The following CCDC178 variants were observed in gnomAD, a reference collection of about 807,000 sequenced individuals.
CCDC178 encodes coiled-coil domain-containing protein 178.
In CCDC178, 126 loss-of-function variants were observed where a neutral mutation model predicts 117.4. The ratio of observed to expected loss-of-function variants is 1.07; its 90% CI spans 0.93 to 1.24. The LOEUF is 1.24. CCDC178 is among the 50% of genes most tolerant of loss of function. The pLI, the probability that CCDC178 is intolerant of heterozygous loss-of-function variation, is 0.00. For synonymous variants in CCDC178, 283 were observed against 313.4 expected (o/e 0.90, Z 1.02); for missense variants, 1,030 against 986.9 (o/e 1.04, Z -0.59).
intron 21 of CCDC178, among the ~76,000 whole-genome samples, chr18:33,079,507 G>A (rs766390944): frequency 2.0e-5 from 3 of 152,136 alleles, no homozygotes; most frequent in Admixed American, 6.6e-5. Flanking sequence ...CAATATGGGA[G>A]AAAATTTTTG....
intron 21 of CCDC178, among the ~76,000 whole-genome samples, chr18:33,081,876 A>G (rs2057303743): frequency 6.6e-6 from 1 of 152,214 alleles, no homozygotes; most frequent in Non-Finnish European, 1.5e-5. Context: ...ACAAGGTTGT[A>G]AAAAAGAACA....
intron 20 of CCDC178, among the ~76,000 whole-genome samples, chr18:33,117,122 A>T (rs1482878991): frequency 6.6e-6 from 1 of 152,104 alleles, no homozygotes; most frequent in East Asian, 1.9e-4. Context: ...GGGGAAGACA[A>T]ATATGTATTG....
At chr18:32,957,176 G>A (rs2054613459) in intron 22 of CCDC178, among the ~76,000 whole-genome samples, 1 of 152,126 alleles carries the variant, frequency 6.6e-6, no homozygotes, top group African/African-American at 2.4e-5. Context: ...TGTACAAAAA[G>A]GTTTTAATAA....
chr18:33,228,859 C>T (rs2059338766), intron 15 of CCDC178, among the ~76,000 whole-genome samples: 1 of 152,184 alleles, frequency 6.6e-6, no homozygotes, highest in Non-Finnish European at 1.5e-5. Context: ...CTACCCAAAG[C>T]ACTGGGAAAA....
chr18:33,389,709 A>C (rs1288735504), intron 4 of CCDC178, 80 bp from the exon 5 acceptor site: 1 of 588,758 alleles, frequency 1.7e-6, no homozygotes, highest in Non-Finnish European at 2.8e-6. Flanking sequence ...CCATGTAAAA[A>C]ACTACGTTAG....
At chr18:33,219,712 G>T (rs187105019) in intron 18 of CCDC178, among the ~76,000 whole-genome samples, 10 of 152,094 alleles carry the variant, frequency 6.6e-5, no homozygotes, top group African/African-American at 2.4e-4. Context: ...ACTCATAGGT[G>T]GGAATTGAAC....
At chr18:33,430,858 G>C (rs557494855) in intron 2 of CCDC178, among the ~76,000 whole-genome samples, 17 of 151,012 alleles carry the variant, frequency 1.1e-4, no homozygotes, top group African/African-American at 3.4e-4. Context: ...GGATCACAAG[G>C]TCAGGAGTTC....
chr18:33,266,932 C>T lies in CCDC178; in HGVS notation c.1393G>A (p.Val465Ile). The change falls in exon 14 of 23, where the codon GTA becomes ATA. Residue 465 changes from valine to isoleucine, a missense_variant. Transcript: ENST00000383096. ...CAAATTTACCTTTCATTGGTTTTTA[C>T]TGTTATTTTGTTAATATCAATCTCA... ...KLEIDINKIT[V>I]KTNESIRKKS... The T allele has an allele frequency of 6.3e-7, 1 of 1,575,832 alleles. No individual in the cohort carries two copies. The highest frequency in any genetic ancestry group is 1.2e-5 in the South Asian group (1 of 84,750).
intron 14 of CCDC178, among the ~76,000 whole-genome samples, chr18:33,257,419 C>G (rs1447770990): frequency 6.6e-6 from 1 of 152,070 alleles, no homozygotes; most frequent in Non-Finnish European, 1.5e-5. Context: ...ATCCATGGCC[C>G]ATGACCTATT....
intron 20 of CCDC178, among the ~76,000 whole-genome samples, chr18:33,159,353 C>G (rs2144374163): frequency 6.6e-6 from 1 of 152,214 alleles, no homozygotes; most frequent in African/African-American, 2.4e-5. Context: ...GCTGATGCAG[C>G]TGTAACAACT....
intron 9 of CCDC178, among the ~76,000 whole-genome samples, chr18:33,341,661 G>C (rs1030793514): frequency 5.9e-5 from 9 of 152,094 alleles, no homozygotes; most frequent in African/African-American, 2.2e-4. Flanking sequence ...TTTATCAGGG[G>C]TTTTTCCACT....
At chr18:33,437,584 G>A (rs1304429024) in intron 2 of CCDC178, 1 of 152,150 alleles carries the variant, frequency 6.6e-6, no homozygotes, top group African/African-American at 2.4e-5. Flanking sequence ...AGAAAGGGAG[G>A]CCAGAAGGTA....
intron 12 of CCDC178, among the ~76,000 whole-genome samples, chr18:33,276,998 T>C (rs1018261392): frequency 6.6e-6 from 1 of 152,062 alleles, no homozygotes; most frequent in Non-Finnish European, 1.5e-5. Flanking sequence ...AAAGCCAGCA[T>C]CATATTTAAG....
chr18:32,943,533 T>G (rs1293348926), intron 22 of CCDC178, among the ~76,000 whole-genome samples: 1 of 152,176 alleles, frequency 6.6e-6, no homozygotes, highest in Non-Finnish European at 1.5e-5. Context: ...TAATACTTCA[T>G]TTTTTCTATT....
chr18:32,997,401 G>C (rs1014415353), intron 21 of CCDC178, among the ~76,000 whole-genome samples: 2 of 152,106 alleles, frequency 1.3e-5, no homozygotes, highest in Non-Finnish European at 2.9e-5. Flanking sequence ...TGAAAAGACT[G>C]ATGTTCTCCA....
At chr18:33,176,784 T>G (rs1272267801) in intron 20 of CCDC178, among the ~76,000 whole-genome samples, 1 of 152,154 alleles carries the variant, frequency 6.6e-6, no homozygotes, top group East Asian at 1.9e-4. Flanking sequence ...GCTCTGAATT[T>G]TTTTTAAAAA....
intron 21 of CCDC178, among the ~76,000 whole-genome samples, chr18:33,004,422 A>G (rs1017441108): frequency 1.3e-5 from 2 of 152,152 alleles, no homozygotes; most frequent in Admixed American, 6.6e-5. Context: ...TGGGAAAATC[A>G]GTTATCTATA....
chr18:33,287,701 C>G (rs1344085390), intron 12 of CCDC178, among the ~76,000 whole-genome samples: 1 of 152,056 alleles, frequency 6.6e-6, no homozygotes, highest in Non-Finnish European at 1.5e-5. Context: ...AATCACTTAC[C>G]TCAGGCGGCA....
chr18:33,288,304 C>T (rs1456778203), intron 12 of CCDC178, among the ~76,000 whole-genome samples: 3 of 105,402 alleles, frequency 2.8e-5, no homozygotes, highest in African/African-American at 1.1e-4. Context: ...CCTCCTCTCT[C>T]CTCCCCTCCT....
Sources: allele counts gnomAD v4.1 joint callset (sites outside exome capture counted in the v4.1 genomes callset), GRCh38; gene constraint gnomAD v4.1.1; transcripts MANE v1.5; gene names NCBI Gene and HGNC (gene_info 2026-07-23, HGNC 2026-07-21).